CDC14B: variants seen among roughly 807,000 people sequenced by gnomAD.
The protein encoded by CDC14B is cell division cycle 14B.
In CDC14B, 22 loss-of-function variants were observed where a neutral mutation model predicts 64.2. The observed-to-expected ratio is 0.34, with a 90% confidence interval of 0.24 to 0.49. The LOEUF is 0.49. Among genes scored for constraint, CDC14B ranks in the 20% least tolerant of loss-of-function variants. CDC14B has a pLI of 0.99. For missense variants in CDC14B, 498 were observed against 629.9 expected (o/e 0.79, Z 2.24); for synonymous variants, 191 against 215.8 (o/e 0.89, Z 1.01).
chr9:96,616,500 C>T (rs1357191291), intron 1 of CDC14B, among the ~76,000 whole-genome samples: 1 of 151,814 alleles, frequency 6.6e-6, no homozygotes, highest in Non-Finnish European at 1.5e-5. Flanking sequence ...CCAAGGCGGG[C>T]GGATCACAAG....
intron 1 of CDC14B, among the ~76,000 whole-genome samples, chr9:96,586,296 T>C (rs1845453327): frequency 6.6e-6 from 1 of 152,210 alleles, no homozygotes; most frequent in African/African-American, 2.4e-5. Context: ...CCTTAGTATC[T>C]GTTACAGACT....
intron 1 of CDC14B, among the ~76,000 whole-genome samples, chr9:96,570,488 G>A (rs1319468787): frequency 6.6e-6 from 1 of 152,196 alleles, no homozygotes; most frequent in African/African-American, 2.4e-5. Context: ...GTTCACCACA[G>A]ACAGGCAGAA....
At chr9:96,614,140 T>C (rs562518382) in intron 1 of CDC14B, among the ~76,000 whole-genome samples, 14 of 152,318 alleles carry the variant, frequency 9.2e-5, no homozygotes, top group African/African-American at 3.4e-4. Context: ...ACTCGAAAAC[T>C]TGTTTTTAAA....
intron 1 of CDC14B, among the ~76,000 whole-genome samples, chr9:96,578,805 C>T (rs1055091746): frequency 2.6e-5 from 4 of 152,106 alleles, no homozygotes; most frequent in African/African-American, 4.8e-5. Context: ...TTAATAATAA[C>T]ACATCAGTAT....
At chr9:96,554,856 A>G (rs1048813907) in intron 4 of CDC14B, among the ~76,000 whole-genome samples, 2 of 152,220 alleles carry the variant, frequency 1.3e-5, no homozygotes, top group African/African-American at 4.8e-5. Flanking sequence ...TTGTTACTAA[A>G]GAAGAATCCT....
At chr9:96,598,093 A>T (rs1299135018) in intron 1 of CDC14B, among the ~76,000 whole-genome samples, 1 of 152,210 alleles carries the variant, frequency 6.6e-6, no homozygotes, top group Non-Finnish European at 1.5e-5. Flanking sequence ...ACAAAAAGAA[A>T]ATACATTTGT....
chr9:96,535,007 T>C (rs1184604744), intron 7 of CDC14B, among the ~76,000 whole-genome samples: 2 of 152,222 alleles, frequency 1.3e-5, no homozygotes, highest in Non-Finnish European at 2.9e-5. Flanking sequence ...GTTTCTGGCT[T>C]CCCAATATTT....
chr9:96,549,568 G>A (rs772626550), intron 5 of CDC14B, among the ~76,000 whole-genome samples: 6 of 152,072 alleles, frequency 3.9e-5, no homozygotes, highest in Non-Finnish European at 7.4e-5. Flanking sequence ...GGGAGGCTGA[G>A]GCAGAAGAAT....
intron 9 of CDC14B, among the ~76,000 whole-genome samples, chr9:96,529,710 C>T (rs1838140317): frequency 6.6e-6 from 1 of 151,972 alleles, no homozygotes; most frequent in Non-Finnish European, 1.5e-5. Context: ...CCAGGGTGGT[C>T]TTAAACTCCT....
At chr9:96,591,536 C>CCTTTTCAAG (rs1359435807) in intron 1 of CDC14B, among the ~76,000 whole-genome samples, 2 of 151,744 alleles carry the variant, frequency 1.3e-5, no homozygotes, top group African/African-American at 4.8e-5. Context: ...TTTTCTTTCC[C>CCTTTTCAAG]CTTTTCAAGC....
chr9:96,599,980 T>C (rs554604092), intron 1 of CDC14B, among the ~76,000 whole-genome samples: 132 of 152,296 alleles, frequency 8.7e-4, no homozygotes, highest in Admixed American at 1.6e-3. Flanking sequence ...TCCATCCACC[T>C]TGGCATCCCA....
At chr9:96,557,150 A>T (rs1842606231) in intron 4 of CDC14B, among the ~76,000 whole-genome samples, 1 of 152,240 alleles carries the variant, frequency 6.6e-6, no homozygotes, top group African/African-American at 2.4e-5. Context: ...GTGGCAAGGG[A>T]AGTCAAACTG....
exon 14 of CDC14B, chr9:96,491,146 G>A (rs1481744560): frequency 6.6e-6 from 1 of 152,218 alleles, no homozygotes; most frequent in African/African-American, 2.4e-5. Context: ...TAGAAGCTGG[G>A]GTGTTGCTCT....
intron 1 of CDC14B, among the ~76,000 whole-genome samples, chr9:96,596,393 C>T (rs1189992741): frequency 6.8e-6 from 1 of 146,634 alleles, no homozygotes; most frequent in Admixed American, 6.8e-5. Flanking sequence ...CACAAAAAGA[C>T]ATGAAAGATA....
chr9:96,599,554 T>C (rs1461284450), intron 1 of CDC14B, among the ~76,000 whole-genome samples: 1 of 152,210 alleles, frequency 6.6e-6, no homozygotes, highest in Non-Finnish European at 1.5e-5. Flanking sequence ...TGTCCTGGAC[T>C]GTATCCTGAA....
chr9:96,498,739 C>T (rs1449135747), downstream of CDC14B, among the ~76,000 whole-genome samples: 2 of 152,228 alleles, frequency 1.3e-5, no homozygotes, highest in Non-Finnish European at 2.9e-5. Flanking sequence ...CTGTTTTAAG[C>T]ACTTTCCACG....
At chr9:96,552,974 T>C (rs1842022843) in intron 4 of CDC14B, among the ~76,000 whole-genome samples, 1 of 152,200 alleles carries the variant, frequency 6.6e-6, no homozygotes, top group South Asian at 2.1e-4. Flanking sequence ...TTTATCTCCA[T>C]TACTTAACAT....
In CDC14B at chr9:96,598,631, G is replaced by A. The variant is rs17435797; in HGVS notation, c.160+20588C>T. ...ATTATAGGTGTGAGCCACTGTGCCC[G>A]GCCTATTTGTGAAGTCATTAAAAAA... On this transcript the variant is annotated intron_variant, in intron 1 of 13. Coordinates refer to ENST00000375241, the MANE Select transcript of CDC14B (RefSeq NM_033331.4). 5.5e-3 allele frequency among the ~76,000 whole-genome samples: 835 copies of A among 152,066 alleles called. 17 individuals carry two copies. The highest frequency in any genetic ancestry group is 0.048 in the Admixed American group (740 of 15,258).
intron 1 of CDC14B, among the ~76,000 whole-genome samples, chr9:96,602,482 A>AG (rs749553333): frequency 2.0e-5 from 3 of 152,226 alleles, no homozygotes; most frequent in Non-Finnish European, 4.4e-5. Flanking sequence ...TAACAGACTC[A>AG]GAGTTCCACG....
Sources: allele counts gnomAD v4.1 joint callset (sites outside exome capture counted in the v4.1 genomes callset), GRCh38; gene constraint gnomAD v4.1.1; transcripts MANE v1.5; gene names NCBI Gene and HGNC (gene_info 2026-07-23, HGNC 2026-07-21).